The following ADGRV1 variants were observed in gnomAD, a reference collection of about 807,000 sequenced individuals.
ADGRV1 encodes adhesion G protein-coupled receptor V1, also known as G-protein coupled receptor 98.
ADGRV1 carries 359 observed loss-of-function variants against 596.2 expected under a neutral mutation model. That is an observed-to-expected ratio of 0.60 (90% CI 0.55 to 0.66). The LOEUF (loss-of-function observed/expected upper bound fraction) is 0.66, where lower values mean the gene tolerates loss of function less well. Among genes scored for constraint, ADGRV1 ranks in the 30% least tolerant of loss-of-function variants. The pLI, the probability that ADGRV1 is intolerant of heterozygous loss-of-function variation, is 0.00. For synonymous variants in ADGRV1, 2,681 were observed against 2,679.2 expected (o/e 1.00, Z -0.02); for missense variants, 7,274 against 7,575.6 (o/e 0.96, Z 1.48).
chr5:90,782,036 ATAT>A (rs941527141), intron 65 of ADGRV1, among the ~76,000 whole-genome samples: 1 of 152,142 alleles, frequency 6.6e-6, no homozygotes, highest in African/African-American at 2.4e-5. Context: ...AGCTTGCCTA[ATAT>A]TGCCAATTCT....
intron 67 of ADGRV1, among the ~76,000 whole-genome samples, chr5:90,785,210 A>G (rs1453867888): frequency 6.6e-6 from 1 of 152,212 alleles, no homozygotes; most frequent in Non-Finnish European, 1.5e-5. Flanking sequence ...ATATGTAGAA[A>G]GCCGAAACTG....
intron 78 of ADGRV1, among the ~76,000 whole-genome samples, chr5:90,842,514 T>A (rs1581287476): frequency 6.6e-6 from 1 of 151,582 alleles, no homozygotes; most frequent in African/African-American, 2.4e-5. Context: ...AGGTCAGGAG[T>A]TCAAGACCAC....
At chr5:91,049,968 C>A (rs1279038738) in intron 85 of ADGRV1, among the ~76,000 whole-genome samples, 1 of 152,198 alleles carries the variant, frequency 6.6e-6, no homozygotes, top group African/African-American at 2.4e-5. Flanking sequence ...TATCAGTTAT[C>A]TAATGCAACT....
intron 1 of ADGRV1, among the ~76,000 whole-genome samples, chr5:90,604,440 T>G (rs961253475): frequency 6.6e-6 from 1 of 152,130 alleles, no homozygotes; most frequent in East Asian, 1.9e-4. Context: ...AATTAGATAA[T>G]ACTACTGAAT....
chr5:90,662,008 C>T (rs1770378226), intron 21 of ADGRV1, among the ~76,000 whole-genome samples: 1 of 152,030 alleles, frequency 6.6e-6, no homozygotes, highest in African/African-American at 2.4e-5. Flanking sequence ...TCCTGGATCA[C>T]AATCTCTGGC....
At chr5:90,646,150 G>T in intron 16 of ADGRV1, 59 bp downstream of exon 16, 13 of 1,235,286 alleles carry the variant, frequency 1.1e-5, no homozygotes, top group Non-Finnish European at 1.4e-5. Context: ...ATATATAAAT[G>T]TATATATGCA....
At chr5:91,009,041 A>C (rs979030348) in intron 85 of ADGRV1, among the ~76,000 whole-genome samples, 1 of 152,174 alleles carries the variant, frequency 6.6e-6, no homozygotes, top group African/African-American at 2.4e-5. Context: ...TGTTATCCTC[A>C]GATAATCTGT....
chr5:90,910,683 G>C (rs2150688791), intron 83 of ADGRV1, among the ~76,000 whole-genome samples: 1 of 151,900 alleles, frequency 6.6e-6, no homozygotes, highest in East Asian at 1.9e-4. Flanking sequence ...TTGGGCACAT[G>C]ATCAAAAAGT....
chr5:91,126,356 GT>G (rs1793754419), intron 87 of ADGRV1, among the ~76,000 whole-genome samples: 1 of 152,192 alleles, frequency 6.6e-6, no homozygotes, highest in Admixed American at 6.5e-5. Context: ...ATTTTCCAGT[GT>G]GTTCTACCAA....
chr5:90,972,530 A>G lies in ADGRV1; in HGVS notation c.17973+6999A>G, dbSNP rs58617853. Among the ~76,000 whole-genome samples the G allele has an allele frequency of 5.2e-3, 799 of 152,344 alleles. 9 individuals carry two copies. The highest frequency in any genetic ancestry group is 0.018 in the African/African-American group (758 of 41,568). The stretch of plus-strand genomic sequence containing the variant: ...TCAGACCACAGTGCAATCAAACTAG[A>G]ACTCAGGATTAAGAAACTCACTCAA... On this transcript the variant is annotated intron_variant, in intron 84 of 89. Transcript: ENST00000405460.
At chr5:90,740,250 G>C (rs544493520) in intron 50 of ADGRV1, among the ~76,000 whole-genome samples, 1 of 152,164 alleles carries the variant, frequency 6.6e-6, no homozygotes, top group African/African-American at 2.4e-5. Flanking sequence ...GGCTGTGAAG[G>C]AGATCACCAG....
At position 90,757,076 on chromosome 5, in the gene ADGRV1, A is replaced by G; in HGVS notation, c.11855A>G (p.Asn3952Ser). 1 of 1,613,924 alleles carries G rather than the reference A, an allele frequency of 6.2e-7. No individual in the cohort carries two copies. The highest frequency in any genetic ancestry group is 8.5e-7 in the Non-Finnish European group (1 of 1,179,828). Residue 3952 changes from asparagine to serine, a missense_variant, in exon 57 of 90, where the codon AAT (asparagine) becomes AGT (serine). By Grantham distance (46) the Asn-to-Ser change is conservative. This residue lies in a region of ADGRV1 where 3,643 missense variants were observed against 3,809.2 expected (regional missense o/e 0.96). Coordinates refer to ENST00000405460, the MANE Select transcript of ADGRV1 (RefSeq NM_032119.4). ...CTGGCTGGAAGCTTTGGGGCAGTAAATGTTTATTGGAAAGCATCACCAGAC... is the reference window on the plus strand; with the variant it reads ...CTGGCTGGAAGCTTTGGGGCAGTAAGTGTTTATTGGAAAGCATCACCAGAC... ...VRLAGSFGAV[N>S]VYWKASPDSA... is the part of the protein sequence containing the mutation.
At chr5:91,081,227 C>T (rs186355843) in intron 86 of ADGRV1, among the ~76,000 whole-genome samples, 23 of 152,208 alleles carry the variant, frequency 1.5e-4, no homozygotes, top group Admixed American at 8.5e-4. Flanking sequence ...GAGATTATTA[C>T]CTCCTGAAGG....
intron 87 of ADGRV1, 22 bp downstream of exon 87, chr5:91,102,362 G>C (rs1395382660): frequency 1.9e-6 from 3 of 1,561,330 alleles, no homozygotes; most frequent in Non-Finnish European, 1.7e-6. Context: ...AATTTGGTTA[G>C]TGACAACATA....
At chr5:90,751,223 T>C (rs1755213564) in intron 53 of ADGRV1, among the ~76,000 whole-genome samples, 2 of 152,150 alleles carry the variant, frequency 1.3e-5, no homozygotes, top group Admixed American at 6.5e-5. Flanking sequence ...GAGGGAGAAG[T>C]TGATCCACAG....
At chr5:91,046,270 A>G (rs1438143637) in intron 85 of ADGRV1, among the ~76,000 whole-genome samples, 2 of 152,074 alleles carry the variant, frequency 1.3e-5, no homozygotes, top group African/African-American at 4.8e-5. Flanking sequence ...TCAAGCTATG[A>G]TATAAGGCCA....
intron 10 of ADGRV1, among the ~76,000 whole-genome samples, chr5:90,635,522 G>A (rs1325565544): frequency 1.3e-5 from 2 of 152,026 alleles, no homozygotes; most frequent in Non-Finnish European, 2.9e-5. Flanking sequence ...AGTGAGTGTC[G>A]GATATTTTGA....
chr5:90,938,186 A>G (rs780871835), intron 83 of ADGRV1, among the ~76,000 whole-genome samples: 1 of 152,112 alleles, frequency 6.6e-6, no homozygotes, highest in African/African-American at 2.4e-5. Context: ...AGCCTGGTTG[A>G]GTAAGAGGGG....
intron 48 of ADGRV1, among the ~76,000 whole-genome samples, chr5:90,726,046 A>G (rs1413591821): frequency 2.0e-5 from 3 of 152,234 alleles, no homozygotes; most frequent in Non-Finnish European, 4.4e-5. Context: ...TTGTAATTCT[A>G]GTAATGCTTA....
Sources: gnomAD v4.1 joint callset for allele counts (sites outside exome capture counted in the v4.1 genomes callset) on GRCh38, gnomAD v4.1.1 for gene constraint, gnomAD v4.1.1 regional missense constraint, MANE v1.5 for transcripts, NCBI Gene and HGNC (gene_info 2026-07-23, HGNC 2026-07-21) for gene names.